The following CNTNAP5 variants were observed in gnomAD, a reference collection of about 807,000 sequenced individuals.
CNTNAP5 encodes the protein contactin associated protein family member 5.
In CNTNAP5, 72 loss-of-function variants were observed where a neutral mutation model predicts 150.2. That is an observed-to-expected ratio of 0.48 (90% CI 0.40 to 0.58). CNTNAP5 has a LOEUF of 0.58. CNTNAP5 is among the 20% of genes least tolerant of loss of function. The pLI is 0.00. For missense variants in CNTNAP5, 1,636 were observed against 1,626.2 expected (o/e 1.01, Z -0.10); for synonymous variants, 672 against 619.8 (o/e 1.08, Z -1.25).
intron 7 of CNTNAP5, among the ~76,000 whole-genome samples, chr2:124,493,953 G>T (rs1389967983): frequency 1.0e-5 from 1 of 99,352 alleles, no homozygotes; most frequent in African/African-American, 3.3e-5. Context: ...GGAGACAAAA[G>T]AAAACCATAA....
At chr2:124,385,564 C>T (rs1236414383) in intron 3 of CNTNAP5, among the ~76,000 whole-genome samples, 2 of 152,196 alleles carry the variant, frequency 1.3e-5, no homozygotes, top group Non-Finnish European at 1.5e-5. Flanking sequence ...ATAACTCTAT[C>T]TTCAATGCCT....
intron 19 of CNTNAP5, among the ~76,000 whole-genome samples, chr2:124,838,574 T>G (rs1682878285): frequency 6.6e-6 from 1 of 152,146 alleles, no homozygotes; most frequent in East Asian, 1.9e-4. Context: ...ATTCCTAACT[T>G]ACTATAAAGC....
At chr2:124,341,161 G>T (rs975059318) in intron 3 of CNTNAP5, among the ~76,000 whole-genome samples, 1 of 151,998 alleles carries the variant, frequency 6.6e-6, no homozygotes, top group African/African-American at 2.4e-5. Context: ...AGTCTGTCTG[G>T]TTATTTAAAT....
In CNTNAP5 at chr2:124,587,895, G is replaced by T. The variant is rs138456458; in HGVS notation, c.1757-21906G>T. Among the ~76,000 whole-genome samples, 221 of 152,232 alleles carry T rather than the reference G, an allele frequency of 1.5e-3. 1 individual carries two copies. Among genetic ancestry groups the T allele is most frequent in the African/African-American group, 4.9e-3 (203 of 41,536 alleles). On this transcript the variant is annotated intron_variant, in intron 11 of 23. Coordinates refer to ENST00000682447, the MANE Select transcript of CNTNAP5 (RefSeq NM_001367498.1). ...TAAGATTACTAGGAAAAACAAAAGA[G>T]GAGAGAAGAAATATATATAGAGACT...
chr2:124,201,547 C>T (rs1433686927), intron 1 of CNTNAP5, among the ~76,000 whole-genome samples: 1 of 152,128 alleles, frequency 6.6e-6, no homozygotes, highest in Non-Finnish European at 1.5e-5. Flanking sequence ...CATCTAAAAC[C>T]CTGCTTCTTT....
At chr2:124,522,730 T>C (rs1694876116) in intron 8 of CNTNAP5, among the ~76,000 whole-genome samples, 1 of 152,230 alleles carries the variant, frequency 6.6e-6, no homozygotes, top group Non-Finnish European at 1.5e-5. Flanking sequence ...TGGATCCTCT[T>C]TCTAGCTGCC....
intron 13 of CNTNAP5, among the ~76,000 whole-genome samples, chr2:124,713,366 T>TCTTTCTTC (rs1553434532): frequency 7.1e-6 from 1 of 140,194 alleles, no homozygotes; most frequent in Admixed American, 7.7e-5. Context: ...TTTCTTTCTT[T>TCTTTCTTC]CTTTCTTTCT....
intron 7 of CNTNAP5, among the ~76,000 whole-genome samples, chr2:124,479,964 T>C (rs1189472563): frequency 6.6e-6 from 1 of 152,204 alleles, no homozygotes; most frequent in Admixed American, 6.5e-5. Flanking sequence ...TGGTACACAC[T>C]AAGCACCCAG....
At chr2:124,786,391 GAAA>G (rs1681581570) in intron 17 of CNTNAP5, among the ~76,000 whole-genome samples, 1,230 of 82,708 alleles carry the variant, frequency 0.015, 4 homozygotes, top group Middle Eastern at 0.02. Flanking sequence ...AAGAAAGAAA[GAAA>G]GAAAGAAGGA....
chr2:124,183,913 G>A (rs1038036639), intron 1 of CNTNAP5, among the ~76,000 whole-genome samples: 5 of 152,232 alleles, frequency 3.3e-5, no homozygotes, highest in African/African-American at 9.6e-5. Context: ...AGCGAAAACC[G>A]CGATTACTTT....
chr2:124,735,204 T>C (rs2105131477), intron 13 of CNTNAP5, among the ~76,000 whole-genome samples: 1 of 152,052 alleles, frequency 6.6e-6, no homozygotes, highest in South Asian at 2.1e-4. Context: ...AACAAACAAA[T>C]AAAACATGTC....
chr2:124,733,297 C>T (rs952661823), intron 13 of CNTNAP5, among the ~76,000 whole-genome samples: 9 of 151,218 alleles, frequency 6.0e-5, no homozygotes, highest in South Asian at 4.2e-4. Flanking sequence ...AGAAATAGCC[C>T]GATATAAGAT....
At chr2:124,131,590 A>G (rs1424844729) in intron 1 of CNTNAP5, among the ~76,000 whole-genome samples, 2 of 152,174 alleles carry the variant, frequency 1.3e-5, no homozygotes, top group Non-Finnish European at 2.9e-5. Flanking sequence ...TAGATTAGGA[A>G]TTAATCTCAG....
At chr2:124,232,736 A>T (rs1686654474) in intron 2 of CNTNAP5, among the ~76,000 whole-genome samples, 1 of 152,118 alleles carries the variant, frequency 6.6e-6, no homozygotes, top group Admixed American at 6.6e-5. Context: ...AAAAATCCAG[A>T]TTTGATCAAA....
chr2:124,219,384 T>G (rs777634463), intron 1 of CNTNAP5, among the ~76,000 whole-genome samples: 66 of 152,148 alleles, frequency 4.3e-4, no homozygotes, highest in Non-Finnish European at 7.4e-4. Flanking sequence ...AATACATAAC[T>G]ACTATATACA....
In CNTNAP5 at chr2:124,609,916, C is replaced by T; in HGVS notation, c.1872C>T (p.Ile624=). 6.2e-7 allele frequency: 1 copy of T among 1,613,610 alleles called. No homozygotes were observed. Among genetic ancestry groups the T allele is most frequent in the Non-Finnish European group, 8.5e-7 (1 of 1,179,640 alleles). ...PLGPLQVYCN[I]TEDKIWTSVQ... is the part of the protein sequence containing the mutation. ...GACCTCTCCAGGTGTACTGCAATAT[C>T]ACTGGTAAGGGTGCAGTAGCCCTAC... The change falls in exon 12 of 24, where the codon ATC becomes ATT. Residue 624 remains isoleucine (I), a synonymous_variant. Transcript: ENST00000682447.
chr2:124,641,126 C>CAAAAAAAAAAAA (rs78602781), intron 12 of CNTNAP5, among the ~76,000 whole-genome samples: 1 of 98,504 alleles, frequency 1.0e-5, no homozygotes, highest in Non-Finnish European at 1.9e-5. Flanking sequence ...AACTCCATCT[C>CAAAAAAAAAAAA]AAAAAAAAAA....
chr2:124,489,224 A>T (rs1693963196), intron 7 of CNTNAP5, among the ~76,000 whole-genome samples: 1 of 152,208 alleles, frequency 6.6e-6, no homozygotes, highest in African/African-American at 2.4e-5. Context: ...ACAAAATACC[A>T]CAGACTGTTT....
Position 124,504,302 on chromosome 2 carries a change from C to G in CNTNAP5, c.1073C>G (p.Thr358Ser). Reference protein sequence around the residue: ...KHQIYTVGNVTFSCSEPQIVP... With the variant: ...KHQIYTVGNVSFSCSEPQIVP... ...TTTATTGTTTTCCAGGGCAATGTCA[C>G]TTTTTCCTGCTCCGAACCACAGATT... is the stretch of plus-strand genomic sequence containing the variant. The change falls in exon 8 of 24, where the codon ACT (threonine) becomes AGT (serine). Residue 358 changes from threonine to serine, a missense_variant. Transcript: ENST00000682447. The G allele has an allele frequency of 6.2e-7, 1 of 1,611,586 alleles. No homozygotes were observed. Among genetic ancestry groups the G allele is most frequent in the East Asian group, 2.2e-5 (1 of 44,796 alleles).
Sources: gnomAD v4.1 joint callset for allele counts (sites outside exome capture counted in the v4.1 genomes callset) on GRCh38, gnomAD v4.1.1 for gene constraint, MANE v1.5 for transcripts, NCBI Gene and HGNC (gene_info 2026-07-23, HGNC 2026-07-21) for gene names.